The following CYP4X1 variants were observed in gnomAD, a reference collection of about 807,000 sequenced individuals.
CYP4X1 encodes the protein cytochrome P450 family 4 subfamily X member 1.
CYP4X1 carries 44 observed loss-of-function variants against 57.9 expected under a neutral mutation model. The ratio of observed to expected loss-of-function variants is 0.76; its 90% CI spans 0.60 to 0.98. CYP4X1 has a LOEUF of 0.98. Among genes scored for constraint, CYP4X1 ranks in the 50% least tolerant of loss-of-function variants. CYP4X1 has a pLI of 0.00. For missense variants in CYP4X1, 532 were observed against 623.9 expected, an observed-to-expected ratio of 0.85 and a Z score of 1.57; for synonymous variants, 227 against 228.6, an observed-to-expected ratio of 0.99 and a Z score of 0.06.
downstream of CYP4X1, among the ~76,000 whole-genome samples, chr1:47,052,786 C>T (rs111983713): frequency 3.7e-5 from 2 of 54,022 alleles, no homozygotes; most frequent in Admixed American, 3.8e-4. Flanking sequence ...AATAAATAAA[C>T]AAACAAATAA....
upstream of CYP4X1, among the ~76,000 whole-genome samples, chr1:47,022,528 A>G (rs1441005210): frequency 6.6e-6 from 1 of 151,584 alleles, no homozygotes; most frequent in Non-Finnish European, 1.5e-5. Context: ...TGACCTCGTG[A>G]TCCGCCCGCC....
chr1:46,994,486 A>G, the CYP4X1 span: 1 of 159,930 alleles, frequency 6.3e-6, no homozygotes. Context: ...GTTGGGGTTC[A>G]GCACAGAGAC....
chr1:46,965,355 G>T, the CYP4X1 span, among the ~76,000 whole-genome samples: 1 of 152,228 alleles, frequency 6.6e-6, no homozygotes, highest in African/African-American at 2.4e-5. Flanking sequence ...CACGCTGGGA[G>T]CTGTAGACTG....
chr1:46,969,297 T>C, the CYP4X1 span, among the ~76,000 whole-genome samples: 1 of 152,222 alleles, frequency 6.6e-6, no homozygotes, highest in Non-Finnish European at 1.5e-5. Flanking sequence ...TGGCACTTCA[T>C]GTCTTGTACA....
chr1:47,024,317 G>A (rs1644038240), intron 1 of CYP4X1, among the ~76,000 whole-genome samples: 1 of 152,210 alleles, frequency 6.6e-6, no homozygotes, highest in South Asian at 2.1e-4. Flanking sequence ...CCTTCCACAT[G>A]TGTTGCTTTA....
At chr1:47,049,296 C>T (rs973001387) in intron 10 of CYP4X1, 126 bp from the exon 11 acceptor site, 3 of 680,682 alleles carry the variant, frequency 4.4e-6, no homozygotes, top group South Asian at 2.8e-5. Flanking sequence ...AAAATGTGAC[C>T]ACCAGAACAT....
intron 3 of CYP4X1, among the ~76,000 whole-genome samples, chr1:47,032,011 C>G (rs1402743469): frequency 1.3e-5 from 2 of 152,056 alleles, no homozygotes; most frequent in South Asian, 4.2e-4. Flanking sequence ...CCACTGCACT[C>G]CAGACTAGGT....
chr1:46,970,844 A>G, the CYP4X1 span, among the ~76,000 whole-genome samples: 6 of 152,318 alleles, frequency 3.9e-5, no homozygotes, highest in Admixed American at 3.9e-4. Context: ...AATTTTCCTT[A>G]AAAACCCCTG....
chr1:46,971,819 AGATTCTGGATATTAGACCTCTGT>A, the CYP4X1 span, among the ~76,000 whole-genome samples: 27 of 152,230 alleles, frequency 1.8e-4, no homozygotes, highest in South Asian at 1.7e-3. Context: ...AGCTTGCTAT[AGATTCTGGATATTAGACCTCTGT>A]CAAATGCATA....
the CYP4X1 span, among the ~76,000 whole-genome samples, chr1:46,962,366 C>T: frequency 2.6e-5 from 4 of 152,156 alleles, no homozygotes; most frequent in Non-Finnish European, 4.4e-5. Flanking sequence ...GATCTGCCCA[C>T]CTCGGTCTCC....
intron 7 of CYP4X1, 105 bp downstream of exon 7, chr1:47,038,871 A>C (rs1644214637): frequency 1.3e-6 from 1 of 787,326 alleles, no homozygotes; most frequent in East Asian, 2.9e-5. Flanking sequence ...CCGATTGACT[A>C]AATTTAACTG....
chr1:46,969,585 T>TTTTCTAAAAAAA, the CYP4X1 span, among the ~76,000 whole-genome samples: 1 of 152,236 alleles, frequency 6.6e-6, no homozygotes, highest in African/African-American at 2.4e-5. Flanking sequence ...CTAAAAAACT[T>TTTTCTAAAAAAA]ATTTCTACTA....
At chr1:46,976,638 T>A in the CYP4X1 span, among the ~76,000 whole-genome samples, 152 of 152,298 alleles carry the variant, frequency 1.0e-3, 4 homozygotes, top group African/African-American at 3.5e-3. Flanking sequence ...ATGAACAGAC[T>A]GCCTCCTCAA....
At chr1:46,974,442 T>C in the CYP4X1 span, among the ~76,000 whole-genome samples, 1 of 152,110 alleles carries the variant, frequency 6.6e-6, no homozygotes, top group Non-Finnish European at 1.5e-5. Context: ...TCTGTAAAGC[T>C]CATTTGGTCA....
chr1:47,030,150 C>G lies in CYP4X1; in HGVS notation c.319+19C>G, dbSNP rs12141009. 6.3e-7 allele frequency: 1 copy of G among 1,595,492 alleles called. No homozygotes were observed. The highest frequency in any genetic ancestry group is 8.6e-7 in the Non-Finnish European group (1 of 1,168,790). On this transcript the variant is annotated intron_variant, in intron 2 of 11. Coordinates refer to ENST00000371901, the MANE Select transcript of CYP4X1 (RefSeq NM_178033.2). ...AGAACAGGTAAGAAGAGGGGGAAAG[C>G]TCTGGGACCTATTCCTCCTAGAAGT... is the stretch of plus-strand genomic sequence containing the variant.
intron 7 of CYP4X1, 64 bp from the exon 8 acceptor site, chr1:47,039,278 G>A: frequency 1.4e-6 from 2 of 1,395,658 alleles, no homozygotes; most frequent in Non-Finnish European, 1.9e-6. Context: ...TCATTATTGT[G>A]GTTGTATCTC....
At chr1:47,012,061 A>G in the CYP4X1 span, among the ~76,000 whole-genome samples, 22 of 152,238 alleles carry the variant, frequency 1.4e-4, 1 homozygote, top group South Asian at 1.2e-3. Flanking sequence ...ATTACTGGGT[A>G]TATACCCAAA....
At chr1:47,044,288 G>T (rs1644277389) in intron 8 of CYP4X1, among the ~76,000 whole-genome samples, 1 of 151,788 alleles carries the variant, frequency 6.6e-6, no homozygotes, top group Non-Finnish European at 1.5e-5. Flanking sequence ...TACCATGAGG[G>T]TTACATAAAG....
the CYP4X1 span, among the ~76,000 whole-genome samples, chr1:47,014,425 A>G: frequency 6.6e-6 from 1 of 152,136 alleles, no homozygotes; most frequent in Non-Finnish European, 1.5e-5. Flanking sequence ...TTCACTCTCA[A>G]ATCCCTGAGA....
Sources: gnomAD v4.1 joint callset for allele counts (sites outside exome capture counted in the v4.1 genomes callset) on GRCh38, gnomAD v4.1.1 for gene constraint, MANE v1.5 for transcripts, NCBI Gene and HGNC (gene_info 2026-07-23, HGNC 2026-07-21) for gene names.